The following CCDC38 variants were observed in gnomAD, a reference collection of about 807,000 sequenced individuals.
CCDC38 encodes coiled-coil domain containing 38.
A neutral mutation model predicts 72.8 loss-of-function variants in CCDC38; 69 were observed. The ratio of observed to expected loss-of-function variants is 0.95; its 90% confidence interval spans 0.78 to 1.16. The LOEUF is 1.16. Among genes scored for constraint, CCDC38 ranks in the 50% most tolerant of loss-of-function variants. CCDC38 has a pLI of 0.00. For synonymous variants in CCDC38, 201 were observed against 213.2 expected (o/e 0.94, Z 0.50); for missense variants, 626 against 638.9 (o/e 0.98, Z 0.22).
chr12:95,885,101 C>T (rs1306522284), intron 10 of CCDC38: 1 of 152,232 alleles, frequency 6.6e-6, no homozygotes, highest in Non-Finnish European at 1.5e-5. Context: ...AAGAAGTCTC[C>T]CTGACCTCGA....
At chr12:95,898,313 G>C in intron 7 of CCDC38, 72 bp downstream of exon 7, 1 of 1,377,962 alleles carries the variant, frequency 7.3e-7, no homozygotes, top group Middle Eastern at 1.8e-4. Context: ...GGATTATTAG[G>C]TCTTACCTGG....
intron 10 of CCDC38, chr12:95,885,798 TG>T (rs2079752739): frequency 4.0e-5 from 6 of 150,976 alleles, no homozygotes; most frequent in African/African-American, 1.2e-4. Context: ...GCATCAATAA[TG>T]CCTATGTTAT....
Position 95,917,298 on chromosome 12 carries a change from C to A in CCDC38, c.139-4G>T. The A allele has an allele frequency of 6.3e-7, 1 of 1,580,910 alleles. No individual in the cohort carries two copies. Among genetic ancestry groups the A allele is most frequent in the Non-Finnish European group, 8.5e-7 (1 of 1,171,778 alleles). On this transcript the variant is annotated splice_region_variant and splice_polypyrimidine_tract_variant and intron_variant, in intron 3 of 15. Coordinates refer to ENST00000344280, the MANE Select transcript of CCDC38 (RefSeq NM_182496.3). ...TGTTACGGTTCATAAATTTTTCCTG[C>A]CCAAGTGGAAAAGTTGAAAAGAATT... is the stretch of plus-strand genomic sequence containing the variant.
In CCDC38 at chr12:95,907,527, C is replaced by T. The variant is rs1246545512; in HGVS notation, c.305-1076G>A. On this transcript the variant is annotated intron_variant, in intron 4 of 15. Coordinates refer to ENST00000344280, the MANE Select transcript of CCDC38 (RefSeq NM_182496.3). ...GCTCCTCACTTCCCAGTAGGGGCGG[C>T]CGGGCAGAGGCGCCCCTCACCTCCC... Among the ~76,000 whole-genome samples, 2 of 122,680 alleles carry T rather than the reference C, an allele frequency of 1.6e-5. 1 individual carries two copies. The highest frequency in any genetic ancestry group is 7.3e-5 in the African/African-American group (2 of 27,316). 80.5% of individuals were successfully genotyped at this position (122,680 alleles called of 152,430 possible).
intron 8 of CCDC38, among the ~76,000 whole-genome samples, chr12:95,893,572 A>C (rs898517591): frequency 6.6e-6 from 1 of 151,602 alleles, no homozygotes. Flanking sequence ...TACAACCTCA[A>C]CTTCCGGGGT....
At chr12:95,936,673 C>A (rs1278879786) in intron 1 of CCDC38, 150 bp from the exon 2 acceptor site, 1 of 531,876 alleles carries the variant, frequency 1.9e-6, no homozygotes, top group Non-Finnish European at 3.3e-6. Flanking sequence ...AATTTCAATT[C>A]TGGTATCTTA....
At chr12:95,901,384 A>G (rs2079948797) in intron 5 of CCDC38, among the ~76,000 whole-genome samples, 1 of 152,216 alleles carries the variant, frequency 6.6e-6, no homozygotes, top group Non-Finnish European at 1.5e-5. Flanking sequence ...GTTATTGAAC[A>G]TCTCGATGGG....
chr12:95,929,245 G>C (rs559586157), intron 2 of CCDC38, among the ~76,000 whole-genome samples: 1 of 152,174 alleles, frequency 6.6e-6, no homozygotes, highest in African/African-American at 2.4e-5. Flanking sequence ...CTCCTGGTGC[G>C]CTGTTTTTTA....
chr12:95,908,455 G>T (rs567306267), intron 4 of CCDC38, among the ~76,000 whole-genome samples: 4 of 14 alleles, frequency 0.29, no homozygotes, highest in African/African-American at 0.4. Context: ...GAGGGAGAGG[G>T]AGAGGGAGAG....
At position 95,896,055 on chromosome 12, in the gene CCDC38, CAAAA is replaced by C. The variant is rs1169899419; in HGVS notation, c.615-913_615-910del. Among the ~76,000 whole-genome samples, 6 of 73,042 alleles carry C rather than the reference CAAAA, an allele frequency of 8.2e-5. No individual in the cohort carries two copies. In the South Asian group the frequency reaches 1.5e-3, roughly 18 times the overall value. 47.9% of individuals were successfully genotyped at this position (73,042 alleles called of 152,430 possible). On this transcript the variant is annotated intron_variant, in intron 7 of 15. Transcript: ENST00000344280. ...TGGGCGACAGAACAAGACTCTGTCT[CAAAA>C]AAAAAAAAAAAAAAAAGAAAGTAGC...
At chr12:95,898,957 G>T (rs1369524601) in intron 5 of CCDC38, among the ~76,000 whole-genome samples, 1 of 152,142 alleles carries the variant, frequency 6.6e-6, no homozygotes, top group Non-Finnish European at 1.5e-5. Flanking sequence ...GTTCCAAAAG[G>T]GCTCTGCCCT....
At chr12:95,913,358 G>A (rs2080114352) in intron 4 of CCDC38, among the ~76,000 whole-genome samples, 1 of 152,176 alleles carries the variant, frequency 6.6e-6, no homozygotes, top group South Asian at 2.1e-4. Flanking sequence ...TGTCAAACTT[G>A]CCTATTGACA....
rs1224042762 is a variant in CCDC38, at chr12:95,879,972, G to GAGCA, written c.991-181_991-178dup. 1 of 454,260 alleles carries GAGCA rather than the reference G, an allele frequency of 2.2e-6. No homozygotes were observed. The highest frequency in any genetic ancestry group is 4.0e-6 in the Non-Finnish European group (1 of 252,524). 28.1% of individuals were successfully genotyped at this position (454,260 alleles called of 1,614,324 possible). A position where few individuals can be genotyped will look rare whatever the true frequency, so the allele number is the denominator to read the frequency against. ...CCAAGTGAGAGCTGGCTTTCAGAAA[G>GAGCA]AGCACATTTGCAGTGTTGTGGGGAG... is the stretch of plus-strand genomic sequence containing the variant. On this transcript the variant is annotated intron_variant, in intron 11 of 15. Transcript: ENST00000344280. The surrounding 1 kb of genome is among the most constrained non-coding windows in gnomAD (Gnocchi z 5.5).
At chr12:95,873,014 A>G (rs1311295722) in intron 13 of CCDC38, among the ~76,000 whole-genome samples, 1 of 152,250 alleles carries the variant, frequency 6.6e-6, no homozygotes, top group Non-Finnish European at 1.5e-5. Context: ...AAAAGTAATT[A>G]TAATGGGTGG....
intron 5 of CCDC38, among the ~76,000 whole-genome samples, chr12:95,901,790 C>A (rs1489441923): frequency 2.0e-5 from 3 of 152,106 alleles, no homozygotes; most frequent in Non-Finnish European, 4.4e-5. Flanking sequence ...TGACAAAAGT[C>A]GTTTTGGTGA....
chr12:95,893,407 TTCCCTCCCTCCCTCCC>T (rs71091218), intron 8 of CCDC38, among the ~76,000 whole-genome samples: 4 of 85,182 alleles, frequency 4.7e-5, no homozygotes, highest in Non-Finnish European at 6.7e-5. Context: ...CTTATCTTCC[TTCCCTCCCTCCCTCCC>T]TCCCTCCCTC....
chr12:95,889,367 G>T (rs2079798356), intron 9 of CCDC38, among the ~76,000 whole-genome samples: 2 of 152,052 alleles, frequency 1.3e-5, no homozygotes, highest in South Asian at 2.1e-4. Context: ...TTGTTAAGAG[G>T]TGTTATTTAA....
At chr12:95,881,364 ATTTC>A (rs926000713) in intron 11 of CCDC38, 117 bp downstream of exon 11, 14 of 684,736 alleles carry the variant, frequency 2.0e-5, no homozygotes, top group South Asian at 1.5e-4. Context: ...TCAAAATTAT[ATTTC>A]TTTCTGGAAG....
intron 2 of CCDC38, 59 bp downstream of exon 2, chr12:95,936,414 G>C: frequency 6.6e-7 from 1 of 1,507,894 alleles, no homozygotes; most frequent in Non-Finnish European, 9.2e-7. Flanking sequence ...CTCACAATCT[G>C]TTATGGAGCC....
Sources: allele counts gnomAD v4.1 joint callset (sites outside exome capture counted in the v4.1 genomes callset), GRCh38; gene constraint gnomAD v4.1.1; non-coding constraint Gnocchi (gnomAD v3.1); transcripts MANE v1.5; gene names NCBI Gene and HGNC (gene_info 2026-07-23, HGNC 2026-07-21).